NF2: variants seen among roughly 807,000 people sequenced by gnomAD.
NF2 encodes the protein merlin.
NF2 carries 8 observed loss-of-function variants against 83.7 expected under a neutral mutation model. The observed-to-expected ratio is 0.10, with a 90% confidence interval of 0.06 to 0.17. The LOEUF (loss-of-function observed/expected upper bound fraction) is 0.17, where lower values mean the gene tolerates loss of function less well. Ranked by LOEUF, NF2 falls within the 10% of genes least tolerant of loss-of-function variation. The probability of loss-of-function intolerance (pLI) is 1.00; values close to 1 mark genes in which losing one functional copy is unlikely to be tolerated. For missense variants in NF2, 533 were observed against 744.4 expected, an observed-to-expected ratio of 0.72 and a Z score of 3.31; for synonymous variants, 266 against 269.6, an observed-to-expected ratio of 0.99 and a Z score of 0.13.
intron 15 of NF2, among the ~76,000 whole-genome samples, chr22:29,689,595 A>G (rs1038478098): frequency 6.6e-6 from 1 of 152,124 alleles, no homozygotes; most frequent in Non-Finnish European, 1.5e-5. Context: ...CTTATTGTTT[A>G]AAATGAATGA....
chr22:29,624,925 CTTTCTTTCTTTCTTTCTT>C lies in NF2; in HGVS notation c.115-11812_115-11795del, dbSNP rs1464606637. Among the ~76,000 whole-genome samples, 3 of 145,434 alleles carry C rather than the reference CTTTCTTTCTTTCTTTCTT, an allele frequency of 2.1e-5. No homozygotes were observed. In the East Asian group the frequency reaches 6.1e-4, roughly 30 times the overall value. On this transcript the variant is annotated intron_variant, in intron 1 of 15. Transcript: ENST00000338641. ...TTTCTCTCTCTCTCTCTCTCTCTTT[CTTTCTTTCTTTCTTTCTT>C]TTTCTTTCTTTCTCTTTTCTTGCTC...
intron 9 of NF2, among the ~76,000 whole-genome samples, chr22:29,666,977 C>CA (rs199715954): frequency 5.5e-5 from 8 of 145,480 alleles, no homozygotes; most frequent in South Asian, 2.2e-4. Context: ...ACTTCGTCTC[C>CA]AAAAAAAAAA....
intron 1 of NF2, among the ~76,000 whole-genome samples, chr22:29,633,012 T>G (rs543631148): frequency 3.9e-5 from 6 of 152,264 alleles, no homozygotes; most frequent in South Asian, 2.1e-4. Flanking sequence ...CCAGAGCAAC[T>G]GTGACCAATG....
chr22:29,631,929 C>G (rs906441666), intron 1 of NF2, among the ~76,000 whole-genome samples: 3 of 152,172 alleles, frequency 2.0e-5, no homozygotes, highest in Non-Finnish European at 2.9e-5. Flanking sequence ...TATCTATATT[C>G]CTTTTAGACT....
At chr22:29,640,337 G>A (rs2065773295) in intron 3 of NF2, among the ~76,000 whole-genome samples, 1 of 151,848 alleles carries the variant, frequency 6.6e-6, no homozygotes, top group African/African-American at 2.4e-5. Context: ...TTCCTCATTA[G>A]ATTGTAAGCC....
At chr22:29,672,034 T>C (rs1188152473) in intron 11 of NF2, 86 bp downstream of exon 11, 6 of 1,586,096 alleles carry the variant, frequency 3.8e-6, no homozygotes, top group Non-Finnish European at 4.3e-6. Context: ...AAACCATGAG[T>C]TAGCAGCGTT....
intron 8 of NF2, among the ~76,000 whole-genome samples, chr22:29,664,099 C>T (rs1004208996): frequency 2.0e-5 from 3 of 152,182 alleles, no homozygotes; most frequent in Non-Finnish European, 4.4e-5. Context: ...TATCCTGTCA[C>T]ATCAAACCTA....
intron 4 of NF2, among the ~76,000 whole-genome samples, chr22:29,653,133 CATGTTTAAA>C (rs1275018073): frequency 6.6e-6 from 1 of 152,072 alleles, no homozygotes; most frequent in Admixed American, 6.6e-5. Context: ...AAAACTGTGG[CATGTTTAAA>C]ATGTTTAAAT....
At chr22:29,672,902 G>C (rs1388560328) in intron 11 of NF2, among the ~76,000 whole-genome samples, 2 of 151,764 alleles carry the variant, frequency 1.3e-5, no homozygotes, top group African/African-American at 2.4e-5. Context: ...TTATAGGCGT[G>C]AGCCACCGTG....
At chr22:29,642,142 C>A in intron 3 of NF2, 60 bp from the exon 4 acceptor site, 1 of 1,351,802 alleles carries the variant, frequency 7.4e-7, no homozygotes, top group South Asian at 1.2e-5. Context: ...CTGTTGTGAT[C>A]AGCCTACACA....
chr22:29,695,105 T>A lies in NF2; in HGVS notation c.*303T>A, dbSNP rs1176090837. 1 of 515,912 alleles carries A rather than the reference T, an allele frequency of 1.9e-6. No homozygotes were observed. The highest frequency in any genetic ancestry group is 3.5e-6 in the Non-Finnish European group (1 of 283,616). The allele number at this position is 515,912 out of a possible 1,614,324, so 32.0% of individuals were successfully genotyped here. A position where few individuals can be genotyped will look rare whatever the true frequency, so the allele number is the denominator to read the frequency against. On this transcript the variant is annotated 3_prime_UTR_variant, in exon 16 of 16. Coordinates refer to ENST00000338641, the MANE Select transcript of NF2 (RefSeq NM_000268.4). The surrounding 1 kb of genome is among the most constrained non-coding windows in gnomAD (Gnocchi z 5.4). ...TCCCTTCGTCCAAGGCACCGGTGTG[T>A]GTGTGTCTTGCACTCCAGAGCTGAC...
At chr22:29,681,659 C>G in intron 15 of NF2, 58 bp downstream of exon 15, 7 of 1,601,986 alleles carry the variant, frequency 4.4e-6, no homozygotes, top group Non-Finnish European at 5.1e-6. Flanking sequence ...ATGAAATGTG[C>G]GGTTGGCATC....
chr22:29,691,419 G>A (rs981086879), intron 15 of NF2, among the ~76,000 whole-genome samples: 2 of 152,212 alleles, frequency 1.3e-5, no homozygotes, highest in Admixed American at 6.5e-5. Flanking sequence ...GAGGGACCCA[G>A]GCCGGTTGCT....
Position 29,695,177 on chromosome 22 carries a change from AG to A in NF2, c.*376del. 1 of 419,466 alleles carries A rather than the reference AG, an allele frequency of 2.4e-6. No homozygotes were observed. Among genetic ancestry groups the A allele is most frequent in the South Asian group, 2.7e-5 (1 of 37,376 alleles). The allele number at this position is 419,466 out of a possible 1,614,324, so 26.0% of individuals were successfully genotyped here. A position where few individuals can be genotyped will look rare whatever the true frequency, so the allele number is the denominator to read the frequency against. ...GTCATTGTAGGGAGTGAGACACTGAAGCCCTGAGAAGCCAGTGCCATCATCC... is the reference window on the plus strand; with the variant it reads ...GTCATTGTAGGGAGTGAGACACTGAACCCTGAGAAGCCAGTGCCATCATCC... On this transcript the variant is annotated 3_prime_UTR_variant, in exon 16 of 16. Coordinates refer to ENST00000338641, the MANE Select transcript of NF2 (RefSeq NM_000268.4). This position sits in a 1 kb window ranked among gnomAD's most constrained non-coding sequence, Gnocchi z 5.4.
At position 29,656,046 on chromosome 22, in the gene NF2, C is replaced by G. The variant is rs562920674; in HGVS notation, c.599+370C>G. On this transcript the variant is annotated intron_variant, in intron 6 of 15. Coordinates refer to ENST00000338641, the MANE Select transcript of NF2 (RefSeq NM_000268.4). ...CTTGACCTCCTGGGTTCAAGCAAAC[C>G]TCCTGCCTCAGCACCCCCAGTAGCT... 4.6e-5 allele frequency among the ~76,000 whole-genome samples: 7 copies of G among 151,838 alleles called. No homozygotes were observed. The South Asian group carries it at 1.5e-3, about 32-fold the overall frequency.
chr22:29,683,125 G>A (rs1477807916), intron 15 of NF2: 31 of 1,613,972 alleles, frequency 1.9e-5, no homozygotes, highest in East Asian at 1.1e-4. Flanking sequence ...ATACTAACCC[G>A]TGCATGAGCT....
chr22:29,653,385 G>A (rs1327162468), intron 4 of NF2, among the ~76,000 whole-genome samples: 7 of 150,340 alleles, frequency 4.7e-5, no homozygotes, highest in Non-Finnish European at 7.4e-5. Flanking sequence ...TGGAGGTTGC[G>A]GTGAGCTGAG....
intron 13 of NF2, among the ~76,000 whole-genome samples, chr22:29,675,239 AT>A (rs1320064916): frequency 2.0e-5 from 3 of 152,162 alleles, no homozygotes; most frequent in Non-Finnish European, 4.4e-5. Flanking sequence ...CCTCAAGAGA[AT>A]TTGCTCTCTT....
At position 29,678,189 on chromosome 22, in the gene NF2, T is replaced by C. The variant is rs1182185192; in HGVS notation, c.1447-7T>C. The stretch of plus-strand genomic sequence containing the variant: ...CAAGCTCCTAATCCGAAATTTCTCA[T>C]TAACAGCCCATGAACCCAATTCCAG... On this transcript the variant is annotated splice_polypyrimidine_tract_variant and splice_region_variant and intron_variant, in intron 13 of 15. Transcript: ENST00000338641. 6.2e-7 allele frequency: 1 copy of C among 1,613,910 alleles called. No individual in the cohort carries two copies.
Sources: allele counts gnomAD v4.1 joint callset (sites outside exome capture counted in the v4.1 genomes callset), GRCh38; gene constraint gnomAD v4.1.1; non-coding constraint Gnocchi (gnomAD v3.1); transcripts MANE v1.5; gene names NCBI Gene and HGNC (gene_info 2026-07-23, HGNC 2026-07-21).